PHACTR4: variants seen among roughly 807,000 people sequenced by gnomAD.
The protein encoded by PHACTR4 is protein phosphatase 1, regulatory subunit 124.
PHACTR4 carries 51 observed loss-of-function variants against 72.7 expected under a neutral mutation model. The observed-to-expected ratio is 0.70, with a 90% CI of 0.56 to 0.89. The LOEUF (loss-of-function observed/expected upper bound fraction) is 0.89, where lower values mean the gene tolerates loss of function less well. Among genes scored for constraint, PHACTR4 ranks in the 40% least tolerant of loss-of-function variants. PHACTR4 has a pLI of 0.00. For missense variants in PHACTR4, 731 were observed against 861.8 expected (o/e 0.85, Z 1.90); for synonymous variants, 255 against 302.5 (o/e 0.84, Z 1.63).
At chr1:28,455,876 C>T (rs1286234740) in intron 2 of PHACTR4, among the ~76,000 whole-genome samples, 4 of 152,042 alleles carry the variant, frequency 2.6e-5, no homozygotes, top group Admixed American at 6.6e-5. Flanking sequence ...GGCTCTACCC[C>T]AACACAGGAG....
At chr1:28,438,816 A>G (rs1656803386) in intron 2 of PHACTR4, among the ~76,000 whole-genome samples, 1 of 152,202 alleles carries the variant, frequency 6.6e-6, no homozygotes. Context: ...TGGAAAATAG[A>G]ACTGTTGACT....
intron 2 of PHACTR4, among the ~76,000 whole-genome samples, chr1:28,416,948 G>T (rs949993741): frequency 1.3e-5 from 2 of 151,776 alleles, no homozygotes; most frequent in Non-Finnish European, 2.9e-5. Flanking sequence ...TTTAGATATG[G>T]TACAAAGTTG....
intron 9 of PHACTR4, among the ~76,000 whole-genome samples, chr1:28,488,358 G>A (rs184093684): frequency 2.6e-5 from 4 of 152,222 alleles, no homozygotes; most frequent in South Asian, 2.1e-4. Flanking sequence ...TTAGCCAGGC[G>A]TGGTGGCAGG....
intron 2 of PHACTR4, among the ~76,000 whole-genome samples, chr1:28,435,169 C>T (rs987235484): frequency 1.3e-5 from 2 of 152,168 alleles, no homozygotes; most frequent in Non-Finnish European, 2.9e-5. Context: ...CCTCCTTTCT[C>T]GATTTGCATT....
intron 2 of PHACTR4, among the ~76,000 whole-genome samples, chr1:28,438,791 G>T (rs1442679741): frequency 1.3e-5 from 2 of 152,096 alleles, no homozygotes; most frequent in Non-Finnish European, 2.9e-5. Flanking sequence ...TATTTTGTTA[G>T]TATTTTACAG....
chr1:28,484,648 C>CT (rs34334611), intron 9 of PHACTR4, among the ~76,000 whole-genome samples: 101 of 145,286 alleles, frequency 7.0e-4, no homozygotes, highest in Non-Finnish European at 9.2e-4. Context: ...TAAACTCTCT[C>CT]TTTTTTTTTT....
chr1:28,399,018 A>G (rs1653745185), intron 1 of PHACTR4, among the ~76,000 whole-genome samples: 1 of 152,068 alleles, frequency 6.6e-6, no homozygotes, highest in African/African-American at 2.4e-5. Flanking sequence ...AGCTGTGTAA[A>G]GAGGTAGGAA....
At chr1:28,441,948 T>C (rs976065168) in intron 2 of PHACTR4, among the ~76,000 whole-genome samples, 2 of 152,162 alleles carry the variant, frequency 1.3e-5, no homozygotes, top group African/African-American at 4.8e-5. Flanking sequence ...CTCATGATTG[T>C]ACCTCTGCAC....
At chr1:28,407,846 T>G (rs1057012422) in intron 2 of PHACTR4, among the ~76,000 whole-genome samples, 1 of 151,968 alleles carries the variant, frequency 6.6e-6, no homozygotes, top group Non-Finnish European at 1.5e-5. Context: ...TAGCCAGGAG[T>G]GGTGGCTCAC....
intron 2 of PHACTR4, among the ~76,000 whole-genome samples, chr1:28,412,455 C>T (rs1199109205): frequency 6.6e-6 from 1 of 152,068 alleles, no homozygotes; most frequent in African/African-American, 2.4e-5. Context: ...AATATATGTA[C>T]TAAAGGGTTG....
intron 1 of PHACTR4, among the ~76,000 whole-genome samples, chr1:28,392,535 T>A (rs1653139292): frequency 6.6e-6 from 1 of 151,936 alleles, no homozygotes; most frequent in Non-Finnish European, 1.5e-5. Context: ...CCAGAGTAGC[T>A]GGGATTACAG....
At chr1:28,451,353 T>A (rs185253636) in intron 2 of PHACTR4, among the ~76,000 whole-genome samples, 1 of 152,194 alleles carries the variant, frequency 6.6e-6, no homozygotes, top group African/African-American at 2.4e-5. Flanking sequence ...CAGAAATTCA[T>A]ACTAAGAAGC....
intron 8 of PHACTR4, 106 bp downstream of exon 8, chr1:28,476,397 A>T: frequency 8.6e-7 from 1 of 1,169,294 alleles, no homozygotes. Context: ...ACCTTCTCCC[A>T]TTAAGTCATC....
chr1:28,373,239 G>A (rs946236911), intron 1 of PHACTR4, among the ~76,000 whole-genome samples: 2 of 151,712 alleles, frequency 1.3e-5, no homozygotes, highest in South Asian at 4.2e-4. Context: ...GATTATAGGC[G>A]TGAGCCAGTG....
chr1:28,378,149 A>G (rs996281365), intron 1 of PHACTR4, among the ~76,000 whole-genome samples: 1 of 144,766 alleles, frequency 6.9e-6, no homozygotes, highest in Admixed American at 7.1e-5. Flanking sequence ...GTGAGCCAAG[A>G]TTGTGCCACT....
At chr1:28,480,739 G>A (rs1438581092) in intron 9 of PHACTR4, 135 bp downstream of exon 9, 4 of 1,191,852 alleles carry the variant, frequency 3.4e-6, no homozygotes, top group South Asian at 1.4e-5. Flanking sequence ...CACCCAGGCT[G>A]GAGTAGTGGC....
chr1:28,441,249 AT>A (rs1657006505), intron 2 of PHACTR4, among the ~76,000 whole-genome samples: 2 of 151,780 alleles, frequency 1.3e-5, no homozygotes, highest in South Asian at 2.1e-4. Context: ...TACTTAAAAA[AT>A]ATTTGTGTGT....
intron 9 of PHACTR4, among the ~76,000 whole-genome samples, chr1:28,485,685 G>C (rs566671988): frequency 1.3e-5 from 2 of 151,026 alleles, no homozygotes; most frequent in East Asian, 3.9e-4. Flanking sequence ...CGTATCACGA[G>C]GTCAGGAGTT....
intron 6 of PHACTR4, among the ~76,000 whole-genome samples, chr1:28,472,029 AT>A (rs1476189711): frequency 2.0e-5 from 3 of 151,850 alleles, no homozygotes; most frequent in South Asian, 2.1e-4. Context: ...GGCTAACATG[AT>A]GAAACCCCGT....
Sources: gnomAD v4.1 joint callset for allele counts (sites outside exome capture counted in the v4.1 genomes callset) on GRCh38, gnomAD v4.1.1 for gene constraint, MANE v1.5 for transcripts, NCBI Gene and HGNC (gene_info 2026-07-23, HGNC 2026-07-21) for gene names.